SYNPO2: variants seen among roughly 807,000 people sequenced by gnomAD.
SYNPO2 encodes synaptopodin-2.
In SYNPO2, 56 loss-of-function variants were observed where a neutral mutation model predicts 85.0. That is an observed-to-expected ratio of 0.66 (90% CI 0.53 to 0.82). The LOEUF is 0.82. Among genes scored for constraint, SYNPO2 ranks in the 40% least tolerant of loss-of-function variants. The pLI is 0.00. For synonymous variants in SYNPO2, 602 were observed against 591.1 expected (o/e 1.02, Z -0.27); for missense variants, 1,575 against 1,534.2 (o/e 1.03, Z -0.44).
At chr4:118,956,035 G>A (rs1171646902) in intron 1 of SYNPO2, among the ~76,000 whole-genome samples, 1 of 152,112 alleles carries the variant, frequency 6.6e-6, no homozygotes, top group Non-Finnish European at 1.5e-5. Context: ...GAGTGGTTAT[G>A]AAAACCTAAG....
At chr4:118,969,856 G>T (rs945398554) in intron 1 of SYNPO2, among the ~76,000 whole-genome samples, 2 of 151,416 alleles carry the variant, frequency 1.3e-5, no homozygotes, top group South Asian at 4.2e-4. Flanking sequence ...TTTGAGATGA[G>T]AACCTGGCCT....
intron 1 of SYNPO2, among the ~76,000 whole-genome samples, chr4:118,995,031 A>G (rs1384780553): frequency 6.6e-6 from 1 of 152,210 alleles, no homozygotes; most frequent in Non-Finnish European, 1.5e-5. Context: ...GTGCTCTCAT[A>G]ATTCAGTTCA....
At chr4:118,859,138 T>C (rs1235221802) in intron 1 of SYNPO2, among the ~76,000 whole-genome samples, 2 of 152,234 alleles carry the variant, frequency 1.3e-5, no homozygotes, top group East Asian at 3.8e-4. Flanking sequence ...TTTATCCATG[T>C]TTAGTATCAA....
At chr4:118,935,878 T>G (rs13102886) in intron 1 of SYNPO2, among the ~76,000 whole-genome samples, 110,117 of 152,156 alleles carry the variant, frequency 0.72, 42,619 homozygotes, top group South Asian at 0.89. Flanking sequence ...ACAAAGGTTT[T>G]CACCCTTGTC....
chr4:119,008,449 TC>T (rs554488838), intron 1 of SYNPO2, among the ~76,000 whole-genome samples: 2,392 of 151,350 alleles, frequency 0.016, 54 homozygotes, highest in African/African-American at 0.055. Context: ...TTTTTTTTTT[TC>T]CTTGGCAAAG....
intron 1 of SYNPO2, among the ~76,000 whole-genome samples, chr4:118,971,230 A>G (rs984538213): frequency 5.9e-5 from 9 of 152,256 alleles, no homozygotes; most frequent in African/African-American, 1.9e-4. Context: ...TACTCTAAAC[A>G]ATAAGCAGAT....
chr4:119,040,325 A>G (rs1010866631), intron 4 of SYNPO2, among the ~76,000 whole-genome samples: 3 of 152,196 alleles, frequency 2.0e-5, no homozygotes, highest in Non-Finnish European at 2.9e-5. Context: ...TGTCGCTATA[A>G]ATTTCACATT....
chr4:118,993,617 G>A (rs972367058), intron 1 of SYNPO2, among the ~76,000 whole-genome samples: 1 of 152,096 alleles, frequency 6.6e-6, no homozygotes, highest in Non-Finnish European at 1.5e-5. Flanking sequence ...TGGCCTACAA[G>A]TTTCTTAGAC....
intron 1 of SYNPO2, among the ~76,000 whole-genome samples, chr4:118,920,961 C>T (rs1160054162): frequency 6.6e-6 from 1 of 151,804 alleles, no homozygotes; most frequent in Non-Finnish European, 1.5e-5. Context: ...GCAGTGGTGC[C>T]ATCATAGCTC....
At chr4:119,005,813 C>T (rs1335409624) in intron 1 of SYNPO2, among the ~76,000 whole-genome samples, 1 of 152,088 alleles carries the variant, frequency 6.6e-6, no homozygotes, top group African/African-American at 2.4e-5. Context: ...CTTTAGAAAA[C>T]AGTATGTGCA....
upstream of SYNPO2, among the ~76,000 whole-genome samples, chr4:118,885,820 T>C (rs1560823217): frequency 1.3e-5 from 2 of 152,164 alleles, no homozygotes; most frequent in African/African-American, 2.4e-5. Flanking sequence ...TTGCATGAGA[T>C]AAGCATCAGG....
At chr4:118,996,935 T>C (rs1038202527) in intron 1 of SYNPO2, among the ~76,000 whole-genome samples, 2 of 149,144 alleles carry the variant, frequency 1.3e-5, no homozygotes, top group Non-Finnish European at 3.0e-5. Flanking sequence ...TCAATTAATT[T>C]TGACAAAAAT....
At chr4:118,996,839 A>C (rs1428967955) in intron 1 of SYNPO2, among the ~76,000 whole-genome samples, 1 of 149,638 alleles carries the variant, frequency 6.7e-6, no homozygotes, top group Non-Finnish European at 1.5e-5. Flanking sequence ...CCTGGGTGAC[A>C]GAGTGAGACT....
intron 1 of SYNPO2, among the ~76,000 whole-genome samples, chr4:118,927,735 GATA>G (rs1733769779): frequency 3.6e-5 from 2 of 55,010 alleles, no homozygotes; most frequent in African/African-American, 1.3e-4. Flanking sequence ...TAGATAGATA[GATA>G]GATAGATAGA....
chr4:118,926,951 C>G (rs1436119511), intron 1 of SYNPO2, among the ~76,000 whole-genome samples: 5 of 152,146 alleles, frequency 3.3e-5, no homozygotes, highest in Non-Finnish European at 7.4e-5. Context: ...TAACGGGATA[C>G]TGAAGCAGCA....
chr4:118,975,143 A>G (rs10013668), intron 1 of SYNPO2, among the ~76,000 whole-genome samples: 58,921 of 151,932 alleles, frequency 0.39, 11,974 homozygotes, highest in East Asian at 0.6. Context: ...GGAGTACACC[A>G]GACTCTTTCC....
intron 1 of SYNPO2, among the ~76,000 whole-genome samples, chr4:118,854,782 T>C (rs1470747854): frequency 6.6e-6 from 1 of 152,198 alleles, no homozygotes; most frequent in Non-Finnish European, 1.5e-5. Flanking sequence ...GTTATAGTTG[T>C]CAAATTTTAT....
intron 1 of SYNPO2, among the ~76,000 whole-genome samples, chr4:118,858,424 C>T (rs748877132): frequency 8.5e-5 from 13 of 152,134 alleles, no homozygotes; most frequent in Non-Finnish European, 1.8e-4. Flanking sequence ...GGCCTAGAAA[C>T]GCTGATGGAT....
chr4:119,000,894 A>G (rs1736798943), intron 1 of SYNPO2, among the ~76,000 whole-genome samples: 1 of 152,072 alleles, frequency 6.6e-6, no homozygotes, highest in East Asian at 1.9e-4. Flanking sequence ...GCTGAGACAT[A>G]AGTCTAGAAA....
Sources: allele counts gnomAD v4.1 joint callset (sites outside exome capture counted in the v4.1 genomes callset), GRCh38; gene constraint gnomAD v4.1.1; transcripts MANE v1.5; gene names NCBI Gene and HGNC (gene_info 2026-07-23, HGNC 2026-07-21).